Variants in TFDP1 observed in about 807,000 individuals in gnomAD.
TFDP1 encodes DRTF1-polypeptide 1.
In TFDP1, 6 loss-of-function variants were observed where a neutral mutation model predicts 48.0. The ratio of observed to expected loss-of-function variants is 0.13; its 90% confidence interval spans 0.07 to 0.25. TFDP1 has a LOEUF of 0.25. Ranked by LOEUF, TFDP1 falls within the 10% of genes least tolerant of loss-of-function variation. The probability of loss-of-function intolerance (pLI) is 1.00; values close to 1 mark genes in which losing one functional copy is unlikely to be tolerated. For missense variants in TFDP1, 335 were observed against 543.0 expected (o/e 0.62, Z 3.81); for synonymous variants, 201 against 211.6 (o/e 0.95, Z 0.44).
At chr13:113,630,535 C>T (rs903264659) in intron 4 of TFDP1, among the ~76,000 whole-genome samples, 2 of 152,120 alleles carry the variant, frequency 1.3e-5, no homozygotes, top group African/African-American at 4.8e-5. Context: ...CACATGAAGC[C>T]CCCCCGCCAG....
chr13:113,631,798 C>T, intron 5 of TFDP1, 54 bp downstream of exon 5: 1 of 1,599,402 alleles, frequency 6.3e-7, no homozygotes, highest in Non-Finnish European at 8.5e-7. Flanking sequence ...CGGTTCGCAC[C>T]TCCACGTTCT....
rs772547547 is a variant in TFDP1, at chr13:113,634,597, C to A, written c.682C>A (p.Leu228Ile). The change falls in exon 8 of 12, where the codon CTA becomes ATA. Residue 228 changes from leucine (L) to isoleucine (I), a missense_variant. Physicochemically the swap from Leu to Ile is conservative, Grantham distance 5. Around this residue, in one of 3 missense-constraint regions of TFDP1, gnomAD observed 204 missense variants for 287.1 expected, o/e 0.71. Transcript: ENST00000375370. Reference protein sequence around the residue: ...QKQSQLQELILQQIAFKNLVQ... With the variant: ...QKQSQLQELIIQQIAFKNLVQ... ...ACAGTCTCAACTTCAAGAACTTATT[C>A]TACAGGTAAGAGAATACGTATCTGT... 2.5e-6 allele frequency: 4 copies of A among 1,611,296 alleles called. No homozygotes were observed. The highest frequency in any genetic ancestry group is 3.4e-6 in the Non-Finnish European group (4 of 1,178,534).
At chr13:113,589,586 G>A (rs548369647) in intron 2 of TFDP1, among the ~76,000 whole-genome samples, 188 of 152,358 alleles carry the variant, frequency 1.2e-3, no homozygotes, top group African/African-American at 4.2e-3. Flanking sequence ...TCAGGGCCTA[G>A]GGAGGCTGTC....
At chr13:113,631,520 A>C in intron 4 of TFDP1, 103 bp from the exon 5 acceptor site, 3 of 1,445,284 alleles carry the variant, frequency 2.1e-6, no homozygotes, top group Non-Finnish European at 2.8e-6. Flanking sequence ...CACTGTGGTT[A>C]AGGAAATTCA....
At position 113,640,858 on chromosome 13, in the gene TFDP1, T is replaced by A. The variant is rs1253923799; in HGVS notation, c.*591T>A. 1 of 153,592 alleles carries A rather than the reference T, an allele frequency of 6.5e-6. No individual in the cohort carries two copies. Among genetic ancestry groups the A allele is most frequent in the Non-Finnish European group, 1.5e-5 (1 of 68,812 alleles). The allele number at this position is 153,592 out of a possible 1,614,324, so 9.5% of individuals were successfully genotyped here. ...CCTTAAATTATATTGACTGTTGTGA[T>A]TCCATCAAGTTTGTACACTCTTTTC... is the stretch of plus-strand genomic sequence containing the variant. On this transcript the variant is annotated 3_prime_UTR_variant, in exon 12 of 12. Transcript: ENST00000375370.
At position 113,598,733 on chromosome 13, in the gene TFDP1, G is replaced by A. The variant is rs1026911356; in HGVS notation, c.13-12263G>A. 1.3e-5 allele frequency among the ~76,000 whole-genome samples: 2 copies of A among 152,158 alleles called. No homozygotes were observed. ...AAGTTGCGTGGGGCCGGGAGGAGGC[G>A]TTCTCTGCCCCTACGTGGCTCACAC... is the stretch of plus-strand genomic sequence containing the variant. On this transcript the variant is annotated intron_variant, in intron 2 of 11. Coordinates refer to ENST00000375370, the MANE Select transcript of TFDP1 (RefSeq NM_007111.5). This position sits in a 1 kb window ranked among gnomAD's most constrained non-coding sequence, Gnocchi z 4.2.
intron 2 of TFDP1, among the ~76,000 whole-genome samples, chr13:113,590,027 G>A (rs1566631741): frequency 1.3e-5 from 2 of 152,232 alleles, no homozygotes; most frequent in Admixed American, 1.3e-4. Context: ...GTAAGACTTC[G>A]GGATGTAGCC....
chr13:113,611,142 A>C, intron 3 of TFDP1, 80 bp downstream of exon 3: 1 of 1,374,260 alleles, frequency 7.3e-7, no homozygotes, highest in Non-Finnish European at 1.0e-6. Flanking sequence ...GTTGACGCTG[A>C]AGCCTCTTGC....
intron 2 of TFDP1, among the ~76,000 whole-genome samples, chr13:113,596,399 C>G (rs1259939778): frequency 1.3e-5 from 2 of 152,180 alleles, no homozygotes; most frequent in African/African-American, 4.8e-5. Context: ...GGGGCCTTAT[C>G]TGGAACGATG....
intron 3 of TFDP1, among the ~76,000 whole-genome samples, chr13:113,622,599 A>G (rs758427311): frequency 3.9e-5 from 6 of 152,202 alleles, no homozygotes; most frequent in Non-Finnish European, 5.9e-5. Flanking sequence ...CCCTGTCCCT[A>G]GGACCTTTTG....
intron 2 of TFDP1, among the ~76,000 whole-genome samples, chr13:113,587,601 C>T (rs1359011844): frequency 6.6e-6 from 1 of 151,162 alleles, no homozygotes; most frequent in Non-Finnish European, 1.5e-5. Flanking sequence ...CCTCTCGCCT[C>T]AGCCTCCCGA....
At chr13:113,612,788 G>T (rs575627021) in intron 3 of TFDP1, among the ~76,000 whole-genome samples, 1 of 152,320 alleles carries the variant, frequency 6.6e-6, no homozygotes, top group African/African-American at 2.4e-5. Flanking sequence ...GAATTGCAGG[G>T]ATTAGGAAGG....
intron 2 of TFDP1, among the ~76,000 whole-genome samples, chr13:113,599,198 G>A (rs1295267526): frequency 1.3e-5 from 2 of 151,740 alleles, no homozygotes; most frequent in Non-Finnish European, 2.9e-5. Flanking sequence ...ATAAATATAA[G>A]CAGAGATAAT....
At position 113,623,347 on chromosome 13, in the gene TFDP1, C is replaced by T. The variant is rs372985956; in HGVS notation, c.186+61C>T. 8.1e-6 allele frequency: 12 copies of T among 1,487,614 alleles called. No homozygotes were observed. In the Admixed American group the frequency reaches 9.8e-5, roughly 12 times the overall value. 92.2% of individuals were successfully genotyped at this position (1,487,614 alleles called of 1,614,324 possible). On this transcript the variant is annotated intron_variant, in intron 4 of 11. Coordinates refer to ENST00000375370, the MANE Select transcript of TFDP1 (RefSeq NM_007111.5). The surrounding 1 kb of genome is among the most constrained non-coding windows in gnomAD (Gnocchi z 5.2). The stretch of plus-strand genomic sequence containing the variant: ...GGTGTGAGGTCGGGATCGGATGAGC[C>T]GTGTGGTTGGGGATGTTCCCAGGTG...
chr13:113,611,123 T>A, intron 3 of TFDP1, 61 bp downstream of exon 3: 2 of 1,472,806 alleles, frequency 1.4e-6, no homozygotes, highest in Non-Finnish European at 1.9e-6. Context: ...TTCACATGTT[T>A]ATGAAGCTGT....
intron 11 of TFDP1, among the ~76,000 whole-genome samples, chr13:113,638,364 G>A (rs921619423): frequency 1.3e-5 from 2 of 151,434 alleles, no homozygotes; most frequent in Admixed American, 1.3e-4. Context: ...TGGTGCATGT[G>A]TTTTTCAGAA....
In TFDP1 at chr13:113,621,990, A is replaced by G. The variant is rs550815724; in HGVS notation, c.80-1190A>G. Among the ~76,000 whole-genome samples the G allele has an allele frequency of 7.9e-5, 12 of 152,328 alleles. No homozygotes were observed. The South Asian group carries it at 1.2e-3, about 16-fold the overall frequency. The stretch of plus-strand genomic sequence containing the variant: ...GCAGTAGTAAATTAGTGAAAGTACT[A>G]AAAGTCTCTGATATGCAGAAATAAT... On this transcript the variant is annotated intron_variant, in intron 3 of 11. Transcript: ENST00000375370.
At position 113,589,726 on chromosome 13, in the gene TFDP1, G is replaced by T. The variant is rs74362247; in HGVS notation, c.12+3877G>T. ...TTTGGCACCTCCTTAGAGTCGGACA[G>T]ACCCTTGTCACGAGTCAGTCCAGCT... On this transcript the variant is annotated intron_variant, in intron 2 of 11. Coordinates refer to ENST00000375370, the MANE Select transcript of TFDP1 (RefSeq NM_007111.5). Among the ~76,000 whole-genome samples the T allele has an allele frequency of 6.2e-3, 950 of 152,362 alleles. 33 individuals carry two copies. In the East Asian group the frequency reaches 0.11, roughly 17 times the overall value.
chr13:113,610,900 G>A (rs887290325), intron 2 of TFDP1, 96 bp from the exon 3 acceptor site: 9 of 1,156,184 alleles, frequency 7.8e-6, no homozygotes, highest in Admixed American at 1.8e-5. Context: ...TTTTTATGAC[G>A]TTATTTGATA....
Sources: allele counts gnomAD v4.1 joint callset (sites outside exome capture counted in the v4.1 genomes callset), GRCh38; gene constraint gnomAD v4.1.1; regional missense constraint gnomAD v4.1.1; non-coding constraint Gnocchi (gnomAD v3.1); transcripts MANE v1.5; gene names NCBI Gene and HGNC (gene_info 2026-07-23, HGNC 2026-07-21).